Variants in KIF26B observed in about 807,000 individuals in gnomAD.
The protein encoded by KIF26B is kinesin family member 26B.
Under a neutral mutation model 151.2 loss-of-function variants are expected in KIF26B, and 63 were observed. That is an observed-to-expected ratio of 0.42 (90% CI 0.34 to 0.51). KIF26B has a LOEUF of 0.51. KIF26B is among the 20% of genes least tolerant of loss of function. KIF26B has a pLI of 0.07. For missense variants in KIF26B, 2,813 were observed against 2,913.6 expected, an observed-to-expected ratio of 0.97 and a Z score of 0.79; for synonymous variants, 1,357 against 1,262.1, an observed-to-expected ratio of 1.08 and a Z score of -1.59.
chr1:245,409,101 C>T (rs375928350), intron 3 of KIF26B, among the ~76,000 whole-genome samples: 2 of 152,314 alleles, frequency 1.3e-5, no homozygotes, highest in South Asian at 2.1e-4. Flanking sequence ...AAACACCCCC[C>T]AAAACATCAC....
rs755609748 is a variant in KIF26B at position 245,170,413 on chromosome 1, C to T, written c.465+13730C>T. Among the ~76,000 whole-genome samples, 2 of 152,276 alleles carry T rather than the reference C, an allele frequency of 1.3e-5. No individual in the cohort carries two copies. Among genetic ancestry groups the T allele is most frequent in the East Asian group, 3.9e-4 (2 of 5,180 alleles). ...GAATAAAGACATGTGGGAATGCTCA[C>T]TGGATGCTTACAATTGGTTCCAGGT... On this transcript the variant is annotated intron_variant, in intron 2 of 14. Coordinates refer to ENST00000407071, the MANE Select transcript of KIF26B (RefSeq NM_018012.4). This position sits in a 1 kb window ranked among gnomAD's most constrained non-coding sequence, Gnocchi z 4.4.
chr1:245,613,420 T>G (rs2043549282), intron 9 of KIF26B, among the ~76,000 whole-genome samples: 1 of 152,038 alleles, frequency 6.6e-6, no homozygotes, highest in Admixed American at 6.5e-5. Flanking sequence ...CTGGCCAACA[T>G]GGAGAAACCC....
At chr1:245,430,501 G>C (rs950828310) in intron 4 of KIF26B, among the ~76,000 whole-genome samples, 1 of 151,862 alleles carries the variant, frequency 6.6e-6, no homozygotes, top group African/African-American at 2.4e-5. Context: ...CCTGTATCTG[G>C]AGAAAAATTT....
At chr1:245,238,839 G>A (rs1444968157) in intron 2 of KIF26B, among the ~76,000 whole-genome samples, 1 of 151,746 alleles carries the variant, frequency 6.6e-6, no homozygotes, top group Non-Finnish European at 1.5e-5. Context: ...TCCAGCCTGG[G>A]TGACAAGAGC....
Position 245,220,298 on chromosome 1 carries a change from C to T in KIF26B, c.465+63615C>T, listed in dbSNP as rs186118418. Among the ~76,000 whole-genome samples the T allele has an allele frequency of 1.6e-4, 24 of 152,270 alleles. No homozygotes were observed. In the East Asian group the frequency reaches 2.7e-3, roughly 17 times the overall value. Reference sequence around the variant, plus strand: ...GTCTGAAGCCTTCCGTGGATGTTCCCGTCTAATTCTCACAGTAACCCTGTG... The same window carrying T: ...GTCTGAAGCCTTCCGTGGATGTTCCTGTCTAATTCTCACAGTAACCCTGTG... On this transcript the variant is annotated intron_variant, in intron 2 of 14. Coordinates refer to ENST00000407071, the MANE Select transcript of KIF26B (RefSeq NM_018012.4).
At chr1:245,297,320 G>T (rs972995230) in intron 2 of KIF26B, among the ~76,000 whole-genome samples, 6 of 152,192 alleles carry the variant, frequency 3.9e-5, no homozygotes, top group African/African-American at 1.4e-4. Context: ...TCCAGCCTGA[G>T]TGACAGAGTG....
At chr1:245,417,730 C>T (rs1178701995) in intron 3 of KIF26B, among the ~76,000 whole-genome samples, 3 of 152,240 alleles carry the variant, frequency 2.0e-5, no homozygotes, top group African/African-American at 7.2e-5. Flanking sequence ...CCCTTCTGGA[C>T]CAGATGTGGG....
intron 4 of KIF26B, among the ~76,000 whole-genome samples, chr1:245,465,241 G>C (rs1391106565): frequency 6.6e-6 from 1 of 152,196 alleles, no homozygotes; most frequent in Non-Finnish European, 1.5e-5. Context: ...GCCTCCCAAA[G>C]TGCTGGGATC....
Position 245,318,168 on chromosome 1 carries a change from T to A in KIF26B, c.466-48666T>A, listed in dbSNP as rs1289113064. 6.6e-6 allele frequency among the ~76,000 whole-genome samples: 1 copy of A among 152,112 alleles called. No homozygotes were observed. Among genetic ancestry groups the A allele is most frequent in the Non-Finnish European group, 1.5e-5 (1 of 68,010 alleles). Reference sequence around the variant, plus strand: ...AGATCTAGGAGATCCCTAAGTATATTAGGTTTTAATTCTGGGTCAAATCAG... The same window carrying A: ...AGATCTAGGAGATCCCTAAGTATATAAGGTTTTAATTCTGGGTCAAATCAG... On this transcript the variant is annotated intron_variant, in intron 2 of 14. Transcript: ENST00000407071. This position sits in a 1 kb window ranked among gnomAD's most constrained non-coding sequence, Gnocchi z 4.0.
chr1:245,681,241 G>A (rs2044433541), intron 10 of KIF26B, among the ~76,000 whole-genome samples: 1 of 135,312 alleles, frequency 7.4e-6, no homozygotes, highest in South Asian at 2.4e-4. Flanking sequence ...ACAGAGTCTC[G>A]CTCTGTCGCC....
chr1:245,673,564 C>A (rs116542516), intron 10 of KIF26B, among the ~76,000 whole-genome samples: 1,804 of 152,268 alleles, frequency 0.012, 19 homozygotes, highest in Non-Finnish European at 0.02. Context: ...AATACACCTG[C>A]AGATTTTTCA....
At chr1:245,438,177 T>C (rs1370496175) in intron 4 of KIF26B, among the ~76,000 whole-genome samples, 2 of 152,158 alleles carry the variant, frequency 1.3e-5, no homozygotes, top group Admixed American at 1.3e-4. Flanking sequence ...TCTTAAATGT[T>C]TTAGCACCTG....
rs559001793 is a variant in KIF26B at position 245,229,044 on chromosome 1, G to T, written c.465+72361G>T. On this transcript the variant is annotated intron_variant, in intron 2 of 14. Transcript: ENST00000407071. The stretch of plus-strand genomic sequence containing the variant: ...TGCAATGATGCAATCTTGGCTCACT[G>T]CAGCCTCCGCCTCCCAGGTTCAAGC... 3.3e-5 allele frequency among the ~76,000 whole-genome samples: 5 copies of T among 152,260 alleles called. No individual in the cohort carries two copies. In the South Asian group the frequency reaches 1.0e-3, roughly 32 times the overall value.
intron 10 of KIF26B, among the ~76,000 whole-genome samples, chr1:245,655,632 G>T (rs2044064674): frequency 6.6e-6 from 1 of 152,196 alleles, no homozygotes; most frequent in South Asian, 2.1e-4. Flanking sequence ...AGCCTGGGGT[G>T]GGGGTTCGAT....
At chr1:245,291,428 G>A (rs1366690915) in intron 2 of KIF26B, among the ~76,000 whole-genome samples, 1 of 152,186 alleles carries the variant, frequency 6.6e-6, no homozygotes, top group Non-Finnish European at 1.5e-5. Flanking sequence ...CTCTTTGGTT[G>A]CATTCTGAAT....
intron 2 of KIF26B, among the ~76,000 whole-genome samples, chr1:245,331,460 G>A (rs55795234): frequency 0.042 from 6,469 of 152,264 alleles, 218 homozygotes; most frequent in Non-Finnish European, 0.067. Context: ...AATGGGTGAA[G>A]GAAATTTGAG....
chr1:245,653,535 T>C (rs1246418795), intron 10 of KIF26B, among the ~76,000 whole-genome samples: 1 of 152,156 alleles, frequency 6.6e-6, no homozygotes, highest in Admixed American at 6.5e-5. Flanking sequence ...ATAGGTACTG[T>C]AATCATACTA....
intron 10 of KIF26B, among the ~76,000 whole-genome samples, chr1:245,673,168 C>G (rs1279298279): frequency 9.6e-6 from 1 of 103,644 alleles, no homozygotes. Context: ...ATATTAGGCC[C>G]AGTCCCCGCT....
At chr1:245,445,036 A>G (rs1659215624) in intron 4 of KIF26B, among the ~76,000 whole-genome samples, 1 of 152,166 alleles carries the variant, frequency 6.6e-6, no homozygotes, top group East Asian at 1.9e-4. Context: ...ATGAACCCCA[A>G]ATTCCTGTGT....
Sources: allele counts gnomAD v4.1 joint callset (sites outside exome capture counted in the v4.1 genomes callset), GRCh38; gene constraint gnomAD v4.1.1; non-coding constraint Gnocchi (gnomAD v3.1); transcripts MANE v1.5; gene names NCBI Gene and HGNC (gene_info 2026-07-23, HGNC 2026-07-21).